DCAF11: variants seen among roughly 807,000 people sequenced by gnomAD.
DCAF11 encodes DDB1 and CUL4 associated factor 11.
DCAF11 carries 44 observed loss-of-function variants against 76.1 expected under a neutral mutation model. The ratio of observed to expected loss-of-function variants is 0.58; its 90% CI spans 0.45 to 0.74. DCAF11 has a LOEUF of 0.74. Among genes scored for constraint, DCAF11 ranks in the 30% least tolerant of loss-of-function variants. The pLI is 0.00. For synonymous variants in DCAF11, 258 were observed against 255.0 expected, an observed-to-expected ratio of 1.01 and a Z score of -0.11; for missense variants, 604 against 709.4, an observed-to-expected ratio of 0.85 and a Z score of 1.69.
Position 24,117,875 on chromosome 14 carries a change from GA to G in DCAF11, c.476+147del. The G allele has an allele frequency of 2.0e-6, 2 of 1,008,476 alleles. No individual in the cohort carries two copies. The highest frequency in any genetic ancestry group is 2.9e-6 in the Non-Finnish European group (2 of 680,148). 62.5% of individuals were successfully genotyped at this position (1,008,476 alleles called of 1,614,324 possible). On this transcript the variant is annotated intron_variant, in intron 5 of 14. Transcript: ENST00000446197. This position sits in a 1 kb window ranked among gnomAD's most constrained non-coding sequence, Gnocchi z 4.3. ...TGAAACTTTGAGAGTAAACAAAGTA[GA>G]AAAGTGTAGAAAATTGTAGAAATTT...
intron 9 of DCAF11, 124 bp downstream of exon 9, chr14:24,119,337 G>A (rs2037646258): frequency 7.3e-6 from 10 of 1,371,786 alleles, no homozygotes; most frequent in Non-Finnish European, 9.3e-6. Flanking sequence ...CCCAAGGTCA[G>A]GATTTACAAG....
intron 9 of DCAF11, 88 bp from the exon 10 acceptor site, chr14:24,119,471 G>C: frequency 6.6e-7 from 1 of 1,520,868 alleles, no homozygotes; most frequent in Non-Finnish European, 9.1e-7. Flanking sequence ...CCCAGAGCAG[G>C]ATTTCTCAGT....
intron 11 of DCAF11, among the ~76,000 whole-genome samples, chr14:24,120,400 C>A (rs1311922631): frequency 6.6e-6 from 1 of 151,818 alleles, no homozygotes; most frequent in Non-Finnish European, 1.5e-5. Context: ...ACTAAACATA[C>A]AAAAAAATTA....
At chr14:24,122,017 A>T (rs1017461331) in intron 13 of DCAF11, 1 of 155,794 alleles carries the variant, frequency 6.4e-6, no homozygotes. Context: ...TCTACAAAAA[A>T]TGGCTGGACA....
rs760867416 is a variant in DCAF11 at position 24,121,364 on chromosome 14, G to A, written c.1247-1G>A. ...AGGGTTTACTCTGCATCCCTACCCA[G>A]CCTGGCGGAAGCTGAAGCTCCCAGG... is the stretch of plus-strand genomic sequence containing the variant. On this transcript the variant is annotated splice_acceptor_variant, in intron 12 of 14. Coordinates refer to ENST00000446197, the MANE Select transcript of DCAF11 (RefSeq NM_025230.5). LOFTEE classifies it high-confidence loss of function. 7 of 1,614,042 alleles carry A rather than the reference G, an allele frequency of 4.3e-6. No individual in the cohort carries two copies. The highest frequency in any genetic ancestry group is 5.9e-6 in the Non-Finnish European group (7 of 1,180,046).
intron 9 of DCAF11, 65 bp downstream of exon 9, chr14:24,119,278 G>C: frequency 6.3e-7 from 1 of 1,591,196 alleles, no homozygotes; most frequent in Non-Finnish European, 8.6e-7. Context: ...GATGAGTTCT[G>C]CTGTTACACA....
At chr14:24,118,266 A>T (rs562277616) in intron 6 of DCAF11, 111 bp downstream of exon 6, 1 of 1,581,454 alleles carries the variant, frequency 6.3e-7, no homozygotes, top group East Asian at 2.2e-5. Flanking sequence ...AAGGATGCTT[A>T]GCCAGACCAT....
In DCAF11 at chr14:24,119,126, A is replaced by C. The variant is rs777407636; in HGVS notation, c.780-19A>C. 1.2e-6 allele frequency: 2 copies of C among 1,614,074 alleles called. No individual in the cohort carries two copies. The highest frequency in any genetic ancestry group is 1.7e-6 in the Non-Finnish European group (2 of 1,180,038). ...AAGCTGAAGGAAGTCCACTTAACCCAGCTCCTTCTTGCTTTTAGGCCAGAT... is the reference window on the plus strand; with the variant it reads ...AAGCTGAAGGAAGTCCACTTAACCCCGCTCCTTCTTGCTTTTAGGCCAGAT... On this transcript the variant is annotated intron_variant, in intron 8 of 14. Transcript: ENST00000446197.
Position 24,123,031 on chromosome 14 carries a change from G to A in DCAF11, c.1460G>A (p.Arg487His), listed in dbSNP as rs1182483204. The stretch of plus-strand genomic sequence containing the variant: ...CTGACCAACCACAAGGCCTGTGTGC[G>A]TGACGTCAGTTGGCACCCCTTTGAA... ...KKLTNHKACVRDVSWHPFEEK... is the reference protein window; with the variant it reads ...KKLTNHKACVHDVSWHPFEEK... The change falls in exon 14 of 15, where the codon CGT (arginine) becomes CAT (histidine). Residue 487 changes from arginine to histidine, a missense_variant. Transcript: ENST00000446197. 6.8e-6 allele frequency: 11 copies of A among 1,614,044 alleles called. No homozygotes were observed. The highest frequency in any genetic ancestry group is 4.0e-5 in the African/African-American group (3 of 74,926).
In DCAF11 at chr14:24,120,826, T is replaced by A; in HGVS notation, c.1093-12T>A. ...AGCTCTGATGCTTCACTATCCACCT[T>A]TGGATTCATAGGGTGATGCCCGGTA... is the stretch of plus-strand genomic sequence containing the variant. On this transcript the variant is annotated splice_polypyrimidine_tract_variant and intron_variant, in intron 11 of 14. Transcript: ENST00000446197. The A allele has an allele frequency of 6.2e-7, 1 of 1,614,042 alleles. No homozygotes were observed. Among genetic ancestry groups the A allele is most frequent in the Non-Finnish European group, 8.5e-7 (1 of 1,179,944 alleles).
rs762743335 is a variant in DCAF11, at chr14:24,118,756, T to C, written c.731T>C (p.Ile244Thr). ...TTTTTCTTGCTTCTCTTAGTTCATA[T>C]CTGCAATATCTATGGTGAGGGAGAT... The part of the protein sequence containing the change: ...LYSSWSDYIH[I>T]CNIYGEGDTH... The change falls in exon 8 of 15, where the codon ATC (isoleucine) becomes ACC (threonine). Residue 244 changes from isoleucine (I) to threonine (T), a missense_variant. Transcript: ENST00000446197. 2 of 1,614,136 alleles carry C rather than the reference T, an allele frequency of 1.2e-6. No homozygotes were observed. The highest frequency in any genetic ancestry group is 2.2e-5 in the South Asian group (2 of 91,082).
In DCAF11 at chr14:24,117,402, C is replaced by T. The variant is rs1322190047; in HGVS notation, c.411+9C>T. 7.4e-6 allele frequency: 12 copies of T among 1,613,672 alleles called. No individual in the cohort carries two copies. The African/African-American group carries it at 1.5e-4, about 20-fold the overall frequency. On this transcript the variant is annotated intron_variant, in intron 4 of 14. Coordinates refer to ENST00000446197, the MANE Select transcript of DCAF11 (RefSeq NM_025230.5). The surrounding 1 kb of genome is among the most constrained non-coding windows in gnomAD (Gnocchi z 4.3). ...CTCGAATGTTGCACCAGGTAGGCCT[C>T]TCCACCTCCCAGCCTGGCAGCAGGC...
intron 8 of DCAF11, 78 bp downstream of exon 8, chr14:24,118,882 G>A: frequency 6.6e-7 from 1 of 1,525,558 alleles, no homozygotes; most frequent in Non-Finnish European, 9.1e-7. Context: ...TCTTGAGTTG[G>A]AAGTTCTGTT....
At chr14:24,118,899 A>G in intron 8 of DCAF11, 95 bp downstream of exon 8, 2 of 1,419,738 alleles carry the variant, frequency 1.4e-6, no homozygotes, top group South Asian at 1.2e-5. Flanking sequence ...TGTTTAGGGG[A>G]AAAAGTATAC....
rs1309994257 is a variant in DCAF11, at chr14:24,115,264, T to A, written c.-243T>A. 1 of 212,914 alleles carries A rather than the reference T, an allele frequency of 4.7e-6. No homozygotes were observed. The highest frequency in any genetic ancestry group is 2.3e-5 in the African/African-American group (1 of 43,172). 13.2% of individuals were successfully genotyped at this position (212,914 alleles called of 1,614,324 possible). A position where few individuals can be genotyped will look rare whatever the true frequency, so the allele number is the denominator to read the frequency against. The stretch of plus-strand genomic sequence containing the variant: ...GAAATCCAACACCGCCCAACACCCC[T>A]CCCGCTCCCCAGTCCGGGGACTTCG... On this transcript the variant is annotated 5_prime_UTR_variant, in exon 1 of 15. Transcript: ENST00000446197.
rs1319021641 is a variant in DCAF11 at position 24,121,435 on chromosome 14, C to T, written c.1317C>T (p.Thr439=). 1 of 1,614,174 alleles carries T rather than the reference C, an allele frequency of 6.2e-7. No individual in the cohort carries two copies. Residue 439 remains threonine, a synonymous_variant, in exon 13 of 15, where the codon ACC becomes ACT. Transcript: ENST00000446197. ...ACCGGGGCCACGGAGTGCTGCACACCCTCATCCGCTGCCGGTTCTCCCCCA... is the reference window on the plus strand; with the variant it reads ...ACCGGGGCCACGGAGTGCTGCACACTCTCATCCGCTGCCGGTTCTCCCCCA... The part of the protein sequence containing the change: ...MTYRGHGVLH[T]LIRCRFSPIH...
Position 24,117,539 on chromosome 14 carries a change from C to A in DCAF11, c.412-129C>A. 1 of 1,515,712 alleles carries A rather than the reference C, an allele frequency of 6.6e-7. No individual in the cohort carries two copies. The highest frequency in any genetic ancestry group is 9.0e-7 in the Non-Finnish European group (1 of 1,111,644). The allele number at this position is 1,515,712 out of a possible 1,614,324, so 93.9% of individuals were successfully genotyped here. On this transcript the variant is annotated intron_variant, in intron 4 of 14. Coordinates refer to ENST00000446197, the MANE Select transcript of DCAF11 (RefSeq NM_025230.5). This position sits in a 1 kb window ranked among gnomAD's most constrained non-coding sequence, Gnocchi z 4.3. Reference sequence around the variant, plus strand: ...GAGTTAACCAGCCTCCATCGGAGTTCTGTGGGACAGACTATGATGTGTGTG... The same window carrying A: ...GAGTTAACCAGCCTCCATCGGAGTTATGTGGGACAGACTATGATGTGTGTG...
In DCAF11 at chr14:24,117,166, C is replaced by T; in HGVS notation, c.284-100C>T. ...TTAAGGAATAAGGAGTCCTTACAGCCCCAGTATATTCAGCCACAGGGGTGG... is the reference window on the plus strand; with the variant it reads ...TTAAGGAATAAGGAGTCCTTACAGCTCCAGTATATTCAGCCACAGGGGTGG... On this transcript the variant is annotated intron_variant, in intron 3 of 14. Coordinates refer to ENST00000446197, the MANE Select transcript of DCAF11 (RefSeq NM_025230.5). The surrounding 1 kb of genome is among the most constrained non-coding windows in gnomAD (Gnocchi z 4.3). The T allele has an allele frequency of 1.2e-6, 2 of 1,602,680 alleles. No homozygotes were observed. The highest frequency in any genetic ancestry group is 1.7e-6 in the Non-Finnish European group (2 of 1,172,722).
rs1594334165 is a variant in DCAF11, at chr14:24,116,839, G to A, written c.156-78G>A. On this transcript the variant is annotated intron_variant, in intron 2 of 14. Transcript: ENST00000446197. ...AAAATGAGTACCAAGTGGTCTAAGA[G>A]CTAGATAGCCATTGACTCTGAATTT... 5 of 1,601,430 alleles carry A rather than the reference G, an allele frequency of 3.1e-6. No homozygotes were observed. In the East Asian group the frequency reaches 1.1e-4, roughly 36 times the overall value.
Sources: allele counts gnomAD v4.1 joint callset (sites outside exome capture counted in the v4.1 genomes callset), GRCh38; gene constraint gnomAD v4.1.1; non-coding constraint Gnocchi (gnomAD v3.1); transcripts MANE v1.5; gene names NCBI Gene and HGNC (gene_info 2026-07-23, HGNC 2026-07-21).